CLDN15: variants seen among roughly 807,000 people sequenced by gnomAD.
CLDN15 encodes the protein claudin 15.
Under a neutral mutation model 24.5 loss-of-function variants are expected in CLDN15, and 9 were observed. The ratio of observed to expected loss-of-function variants is 0.37; its 90% confidence interval spans 0.22 to 0.64. The LOEUF (loss-of-function observed/expected upper bound fraction) is 0.64, where lower values mean the gene tolerates loss of function less well. CLDN15 is among the 30% of genes least tolerant of loss of function. The probability of loss-of-function intolerance (pLI) is 0.63; values close to 1 mark genes in which losing one functional copy is unlikely to be tolerated. For missense variants in CLDN15, 248 were observed against 305.9 expected (o/e 0.81, Z 1.41); for synonymous variants, 149 against 131.4 (o/e 1.13, Z -0.92).
chr7:101,233,761 C>G (rs1469819708), intron 2 of CLDN15: 1 of 162,430 alleles, frequency 6.2e-6, no homozygotes, highest in Non-Finnish European at 1.2e-5. Flanking sequence ...CCACGCCTGG[C>G]TAATTTTTTT....
chr7:101,232,809 G>C (rs771865656), intron 3 of CLDN15, 24 bp downstream of exon 3: 1 of 1,591,970 alleles, frequency 6.3e-7, no homozygotes, highest in South Asian at 1.1e-5. Flanking sequence ...CCGAGGGCGG[G>C]GGGTGGGGGG....
In CLDN15 at chr7:101,234,351, G is replaced by A; in HGVS notation, c.309C>T (p.Thr103=). 6.2e-7 allele frequency: 1 copy of A among 1,612,294 alleles called. No homozygotes were observed. The highest frequency in any genetic ancestry group is 1.7e-4 in the Middle Eastern group (1 of 6,056). ...TGGAGAGCTCCAGGCCCCCAATGTT[G>A]GTGCAGCGCAGGCCCGCTATGCCTA... ...LLLGIAGLRC[T]NIGGLELSRK... Residue 103 remains threonine, a synonymous_variant, in exon 2 of 5, where the codon ACC becomes ACT. Transcript: ENST00000308344.
chr7:101,235,159 C>T (rs560726399), intron 1 of CLDN15, among the ~76,000 whole-genome samples: 3 of 152,334 alleles, frequency 2.0e-5, no homozygotes, highest in African/African-American at 7.2e-5. Context: ...CGTCTGATTC[C>T]ACTCCAAGTC....
At position 101,237,528 on chromosome 7, in the gene CLDN15, C is replaced by T. The variant is rs1798653844; in HGVS notation, c.54G>A (p.Leu18=). The part of the protein sequence containing the change: ...FGFFMATVGL[L]MLGVTLPNSY... ...TGTTTGGCAGAGTCACCCCCAGCAT[C>T]AGCAGCCCCACAGTTGCCATGAAGA... Residue 18 remains leucine, a synonymous_variant, in exon 1 of 5, where the codon CTG becomes CTA. Coordinates refer to ENST00000308344, the MANE Select transcript of CLDN15 (RefSeq NM_014343.3). This position sits in a 1 kb window ranked among gnomAD's most constrained non-coding sequence, Gnocchi z 4.0. 4 of 1,614,196 alleles carry T rather than the reference C, an allele frequency of 2.5e-6. No homozygotes were observed. The African/African-American group carries it at 4.0e-5, about 16-fold the overall frequency.
rs1312726703 is a variant in CLDN15, at chr7:101,232,505, G to A, written c.592C>T (p.Pro198Ser). The A allele has an allele frequency of 1.9e-6, 3 of 1,612,096 alleles. No homozygotes were observed. The highest frequency in any genetic ancestry group is 2.5e-6 in the Non-Finnish European group (3 of 1,178,824). Residue 198 changes from proline (P) to serine (S), a missense_variant, in exon 5 of 5, where the codon CCC becomes TCC. Pro to Ser is a moderately conservative substitution (Grantham distance 74). Transcript: ENST00000308344. ...DEDPAASARRPYQAPVSVMPV... is the reference protein window; with the variant it reads ...DEDPAASARRSYQAPVSVMPV... Reference sequence around the variant, plus strand: ...ATCACGGACACTGGAGCCTGGTAGGGCCGCCGGGCGCTGCGGGGAGGGCCC... The same window carrying A: ...ATCACGGACACTGGAGCCTGGTAGGACCGCCGGGCGCTGCGGGGAGGGCCC...
intron 1 of CLDN15, among the ~76,000 whole-genome samples, chr7:101,236,388 A>G (rs903640481): frequency 7.9e-5 from 12 of 152,166 alleles, no homozygotes; most frequent in African/African-American, 2.4e-4. Flanking sequence ...CAGGCCCCCT[A>G]ACTGCTCAGA....
intron 2 of CLDN15, 156 bp downstream of exon 2, chr7:101,234,122 G>C (rs1327263393): frequency 1.3e-6 from 1 of 769,522 alleles, no homozygotes; most frequent in African/African-American, 1.7e-5. Flanking sequence ...GAGATCTGGG[G>C]AGTACAGATG....
At chr7:101,233,764 ATTTTT>A (rs746861741) in intron 2 of CLDN15, 1,301 of 88,492 alleles carry the variant, frequency 0.015, 8 homozygotes, top group African/African-American at 0.028. Context: ...CGCCTGGCTA[ATTTTT>A]TTTTTTTTTT....
intron 1 of CLDN15, among the ~76,000 whole-genome samples, chr7:101,234,834 G>T (rs1280013379): frequency 6.6e-6 from 1 of 151,866 alleles, no homozygotes; most frequent in Non-Finnish European, 1.5e-5. Flanking sequence ...TTAGGCATCT[G>T]GGCCCCTCCC....
intron 1 of CLDN15, among the ~76,000 whole-genome samples, chr7:101,235,429 G>A (rs1798603884): frequency 6.6e-6 from 1 of 152,144 alleles, no homozygotes; most frequent in Non-Finnish European, 1.5e-5. Context: ...ACACCCGGTG[G>A]AGTTTCTGAC....
At chr7:101,234,074 G>A in intron 2 of CLDN15, 1 of 707,074 alleles carries the variant, frequency 1.4e-6, no homozygotes, top group Non-Finnish European at 2.6e-6. Context: ...CCTACTGGGA[G>A]CTCAAGAAAC....
At chr7:101,233,954 T>C (rs778579733) in intron 2 of CLDN15, 77 of 491,004 alleles carry the variant, frequency 1.6e-4, no homozygotes, top group African/African-American at 3.6e-4. Flanking sequence ...ACTGTGTGTG[T>C]GCGCCATAGC....
Position 101,237,622 on chromosome 7 carries a change from G to A in CLDN15, c.-41C>T. The A allele has an allele frequency of 1.4e-6, 2 of 1,476,334 alleles. No individual in the cohort carries two copies. 91.5% of individuals were successfully genotyped at this position (1,476,334 alleles called of 1,614,324 possible). On this transcript the variant is annotated 5_prime_UTR_variant, in exon 1 of 5. Coordinates refer to ENST00000308344, the MANE Select transcript of CLDN15 (RefSeq NM_014343.3). This position sits in a 1 kb window ranked among gnomAD's most constrained non-coding sequence, Gnocchi z 4.0. ...CCTGGGGGGCTGGTGCCCCAGAGAG[G>A]GGGAGGGGCAGAACCCCTAGGGAAC...
Position 101,232,656 on chromosome 7 carries a change from G to A in CLDN15, c.529C>T (p.Leu177Phe), listed in dbSNP as rs372104568. ...CAGCAGCAGGCGGAGCAGAGGCAGAGGCCACCCAGGATGGAGATCAGTGAG... is the reference window on the plus strand; with the variant it reads ...CAGCAGCAGGCGGAGCAGAGGCAGAAGCCACCCAGGATGGAGATCAGTGAG... ...SASLISILGG[L>F]CLCSACCCGS... The change falls in exon 4 of 5, where the codon CTC becomes TTC. Residue 177 changes from leucine (L) to phenylalanine (F), a missense_variant. By Grantham distance (22) the Leu-to-Phe change is conservative. Coordinates refer to ENST00000308344, the MANE Select transcript of CLDN15 (RefSeq NM_014343.3). 694 of 1,587,062 alleles carry A rather than the reference G, an allele frequency of 4.4e-4. No individual in the cohort carries two copies. The highest frequency in any genetic ancestry group is 5.8e-4 in the Non-Finnish European group (675 of 1,167,188).
chr7:101,238,710 T>C (rs1367056550), upstream of CLDN15: 1 of 152,254 alleles, frequency 6.6e-6, no homozygotes, highest in Admixed American at 6.5e-5. Context: ...TGGAGCGTGA[T>C]CCTGTGGCTA....
Position 101,237,254 on chromosome 7 carries a change from G to T in CLDN15, c.217+111C>A. 2.6e-6 allele frequency: 2 copies of T among 766,890 alleles called. No homozygotes were observed. The highest frequency in any genetic ancestry group is 4.5e-6 in the Non-Finnish European group (2 of 445,838). 47.5% of individuals were successfully genotyped at this position (766,890 alleles called of 1,614,324 possible). A position where few individuals can be genotyped will look rare whatever the true frequency, so the allele number is the denominator to read the frequency against. ...CTCCTGGCTGCGGGAACTCAGACCCGCAGAGCTTAATTCAGGGCTCCCTGC... is the reference window on the plus strand; with the variant it reads ...CTCCTGGCTGCGGGAACTCAGACCCTCAGAGCTTAATTCAGGGCTCCCTGC... On this transcript the variant is annotated intron_variant, in intron 1 of 4. Transcript: ENST00000308344. The surrounding 1 kb of genome is among the most constrained non-coding windows in gnomAD (Gnocchi z 4.0).
At chr7:101,236,878 CTG>C (rs755806218) in intron 1 of CLDN15, 106 of 1,204,680 alleles carry the variant, frequency 8.8e-5, no homozygotes, top group Non-Finnish European at 1.1e-4. Flanking sequence ...GCTGGGGAGT[CTG>C]TGGAGCCTGG....
chr7:101,234,020 A>T (rs954080821), intron 2 of CLDN15: 2 of 673,222 alleles, frequency 3.0e-6, no homozygotes, highest in African/African-American at 3.5e-5. Context: ...GCAGCCGCTC[A>T]CTCTTATCTT....
Position 101,232,357 on chromosome 7 carries a change from G to C in CLDN15, c.*53C>G, listed in dbSNP as rs1798516794. ...CTATAGGGGAATGGGCCCCGGCCAG[G>C]TCCCCTCTCCTTGGGGCAGTGGGAA... On this transcript the variant is annotated 3_prime_UTR_variant, in exon 5 of 5. Coordinates refer to ENST00000308344, the MANE Select transcript of CLDN15 (RefSeq NM_014343.3). The C allele has an allele frequency of 7.5e-7, 1 of 1,338,326 alleles. No individual in the cohort carries two copies. The highest frequency in any genetic ancestry group is 1.1e-6 in the Non-Finnish European group (1 of 940,612). The allele number at this position is 1,338,326 out of a possible 1,614,324, so 82.9% of individuals were successfully genotyped here.
Sources: allele counts gnomAD v4.1 joint callset (sites outside exome capture counted in the v4.1 genomes callset), GRCh38; gene constraint gnomAD v4.1.1; non-coding constraint Gnocchi (gnomAD v3.1); transcripts MANE v1.5; gene names NCBI Gene and HGNC (gene_info 2026-07-23, HGNC 2026-07-21).